The following CSNK1E variants were observed in gnomAD, a reference collection of about 807,000 sequenced individuals.
CSNK1E encodes casein kinase I isoform epsilon.
CSNK1E carries 17 observed loss-of-function variants against 46.1 expected under a neutral mutation model. That is an observed-to-expected ratio of 0.37 (90% CI 0.25 to 0.55). The LOEUF is 0.55. Among genes scored for constraint, CSNK1E ranks in the 20% least tolerant of loss-of-function variants. CSNK1E has a pLI of 0.82. For synonymous variants in CSNK1E, 241 were observed against 242.6 expected, an observed-to-expected ratio of 0.99 and a Z score of 0.06; for missense variants, 386 against 595.4, an observed-to-expected ratio of 0.65 and a Z score of 3.66.
Position 38,294,016 on chromosome 22 carries a change from G to A in CSNK1E, c.1218+93C>T, listed in dbSNP as rs2092625809. ...CACTCCAAGGCAAGCAGCGTCGATG[G>A]AAAGGGAAGAACAGAGCCACGGCCT... On this transcript the variant is annotated intron_variant, in intron 9 of 10. Coordinates refer to ENST00000396832, the MANE Select transcript of CSNK1E (RefSeq NM_152221.3). This position sits in a 1 kb window ranked among gnomAD's most constrained non-coding sequence, Gnocchi z 5.5. 1.4e-6 allele frequency: 2 copies of A among 1,439,392 alleles called. No homozygotes were observed. The highest frequency in any genetic ancestry group is 2.4e-4 in the Middle Eastern group (1 of 4,118). The allele number at this position is 1,439,392 out of a possible 1,614,324, so 89.2% of individuals were successfully genotyped here.
intron 7 of CSNK1E, chr22:38,296,585 T>G (rs2092641963): frequency 1.2e-6 from 2 of 1,612,712 alleles, no homozygotes; most frequent in Admixed American, 3.3e-5. Context: ...AGGATAAGGC[T>G]GTGGGTGCCT....
intron 7 of CSNK1E, chr22:38,296,947 G>A: frequency 4.9e-6 from 3 of 607,974 alleles, no homozygotes; most frequent in East Asian, 2.8e-5. Flanking sequence ...GCTAATTTTT[G>A]TGTTTTTAGT....
At chr22:38,315,864 C>T (rs948591832) in intron 1 of CSNK1E, among the ~76,000 whole-genome samples, 4 of 152,142 alleles carry the variant, frequency 2.6e-5, no homozygotes, top group African/African-American at 9.7e-5. Flanking sequence ...TCTCTCCCCA[C>T]TCACCGGCTG....
rs763345631 is a variant in CSNK1E, at chr22:38,300,467, C to T, written c.565+257G>A. Reference sequence around the variant, plus strand: ...GTTAAACCTCTGAGCCTGTATCTTCCAGCCTGCACCAACAGGGCGGAGGAG... The same window carrying T: ...GTTAAACCTCTGAGCCTGTATCTTCTAGCCTGCACCAACAGGGCGGAGGAG... On this transcript the variant is annotated intron_variant, in intron 5 of 10. Transcript: ENST00000396832. The surrounding 1 kb of genome is among the most constrained non-coding windows in gnomAD (Gnocchi z 4.4). Among the ~76,000 whole-genome samples the T allele has an allele frequency of 3.9e-5, 6 of 152,228 alleles. No homozygotes were observed. The highest frequency in any genetic ancestry group is 8.8e-5 in the Non-Finnish European group (6 of 68,048).
chr22:38,294,315 C>T lies in CSNK1E; in HGVS notation c.1078+27G>A, dbSNP rs2092628219. The T allele has an allele frequency of 6.3e-7, 1 of 1,588,834 alleles. No individual in the cohort carries two copies. Among genetic ancestry groups the T allele is most frequent in the Non-Finnish European group, 8.5e-7 (1 of 1,170,004 alleles). On this transcript the variant is annotated intron_variant, in intron 8 of 10. Coordinates refer to ENST00000396832, the MANE Select transcript of CSNK1E (RefSeq NM_152221.3). The surrounding 1 kb of genome is among the most constrained non-coding windows in gnomAD (Gnocchi z 5.5). ...CAGAGCCCCCCACCCACCCTGAACCCAGCCCACTGCCTGAGTCCCTGCTCA... is the reference window on the plus strand; with the variant it reads ...CAGAGCCCCCCACCCACCCTGAACCTAGCCCACTGCCTGAGTCCCTGCTCA...
intron 4 of CSNK1E, among the ~76,000 whole-genome samples, chr22:38,302,350 C>A (rs1424743081): frequency 2.6e-5 from 4 of 152,196 alleles, no homozygotes; most frequent in Non-Finnish European, 4.4e-5. Context: ...CTATTTCTTA[C>A]AATTAAATGA....
chr22:38,299,519 T>C (rs897028760), intron 6 of CSNK1E, among the ~76,000 whole-genome samples: 1 of 152,156 alleles, frequency 6.6e-6, no homozygotes. Flanking sequence ...CAGCCCAGTG[T>C]GGGCTTTGTT....
At chr22:38,314,203 C>T (rs938630249) in intron 1 of CSNK1E, 34 bp from the exon 2 acceptor site, 10 of 1,578,886 alleles carry the variant, frequency 6.3e-6, no homozygotes, top group African/African-American at 4.0e-5. Context: ...GGGTCAGCGA[C>T]GTGGGGAGCC....
In CSNK1E at chr22:38,299,800, G is replaced by A. The variant is rs533962801; in HGVS notation, c.736+95C>T. 4.9e-4 allele frequency: 695 copies of A among 1,430,562 alleles called. 1 individual carries two copies. The highest frequency in any genetic ancestry group is 6.0e-4 in the Non-Finnish European group (629 of 1,048,216). 88.6% of individuals were successfully genotyped at this position (1,430,562 alleles called of 1,614,324 possible). ...CAGGACTGCAGGCGTGAACCACCGC[G>A]CCTAGCCCCAGCGTGGGCTTTGTAT... On this transcript the variant is annotated intron_variant, in intron 6 of 10. Coordinates refer to ENST00000396832, the MANE Select transcript of CSNK1E (RefSeq NM_152221.3).
At chr22:38,299,169 C>T (rs2092657614) in intron 6 of CSNK1E, among the ~76,000 whole-genome samples, 1 of 152,222 alleles carries the variant, frequency 6.6e-6, no homozygotes, top group Non-Finnish European at 1.5e-5. Context: ...CGAACAGTGG[C>T]CAGGAGCCTC....
chr22:38,302,716 A>G, intron 4 of CSNK1E, 145 bp downstream of exon 4: 2 of 992,456 alleles, frequency 2.0e-6, no homozygotes, highest in South Asian at 1.7e-5. Flanking sequence ...GCCTCAAAAA[A>G]TAAATAAACA....
rs771780953 is a variant in CSNK1E at position 38,298,573 on chromosome 22, C to T, written c.885+213G>A. 30 of 581,166 alleles carry T rather than the reference C, an allele frequency of 5.2e-5. No homozygotes were observed. The highest frequency in any genetic ancestry group is 7.9e-5 in the Non-Finnish European group (26 of 330,424). The allele number at this position is 581,166 out of a possible 1,614,324, so 36.0% of individuals were successfully genotyped here. A position where few individuals can be genotyped will look rare whatever the true frequency, so the allele number is the denominator to read the frequency against. On this transcript the variant is annotated intron_variant, in intron 7 of 10. Coordinates refer to ENST00000396832, the MANE Select transcript of CSNK1E (RefSeq NM_152221.3). The surrounding 1 kb of genome is among the most constrained non-coding windows in gnomAD (Gnocchi z 4.2). ...TCCTCCTTGTTCCGACGGGAGACAG[C>T]GCCCTGCCTGGGCCCTGCTGCCCAT...
chr22:38,293,366 T>C (rs1334482854), intron 9 of CSNK1E, 47 bp from the exon 10 acceptor site: 3 of 1,240,908 alleles, frequency 2.4e-6, no homozygotes, highest in Non-Finnish European at 3.5e-6. Context: ...GAGAGGGAGG[T>C]ACAAGCTTCA....
rs952511443 is a variant in CSNK1E, at chr22:38,298,563, C to A, written c.885+223G>T. The A allele has an allele frequency of 9.0e-6, 5 of 557,724 alleles. No individual in the cohort carries two copies. The African/African-American group carries it at 9.5e-5, about 11-fold the overall frequency. The allele number at this position is 557,724 out of a possible 1,614,324, so 34.5% of individuals were successfully genotyped here. A position where few individuals can be genotyped will look rare whatever the true frequency, so the allele number is the denominator to read the frequency against. ...TGAAGCCAGATCCTCCTTGTTCCGA[C>A]GGGAGACAGCGCCCTGCCTGGGCCC... On this transcript the variant is annotated intron_variant, in intron 7 of 10. Transcript: ENST00000396832. This position sits in a 1 kb window ranked among gnomAD's most constrained non-coding sequence, Gnocchi z 4.2.
intron 7 of CSNK1E, chr22:38,297,756 C>A: frequency 2.0e-6 from 2 of 998,742 alleles, no homozygotes; most frequent in Non-Finnish European, 2.4e-6. Context: ...TCAAGGACCC[C>A]ATGGCAGGGC....
chr22:38,298,757 A>G lies in CSNK1E; in HGVS notation c.885+29T>C, dbSNP rs1425644451. On this transcript the variant is annotated intron_variant, in intron 7 of 10. Transcript: ENST00000396832. The surrounding 1 kb of genome is among the most constrained non-coding windows in gnomAD (Gnocchi z 4.2). Reference sequence around the variant, plus strand: ...CAGGGCCTTCCCCATCCAGTCCCCCAAGCCCGCCTTGGCCTCCAGGTGACT... The same window carrying G: ...CAGGGCCTTCCCCATCCAGTCCCCCGAGCCCGCCTTGGCCTCCAGGTGACT... 3 of 1,613,028 alleles carry G rather than the reference A, an allele frequency of 1.9e-6. No individual in the cohort carries two copies. Among genetic ancestry groups the G allele is most frequent in the African/African-American group, 1.3e-5 (1 of 74,992 alleles).
At chr22:38,299,052 C>T in intron 6 of CSNK1E, 118 bp from the exon 7 acceptor site, 1 of 1,198,744 alleles carries the variant, frequency 8.3e-7, no homozygotes, top group Non-Finnish European at 1.2e-6. Context: ...CTGTGAGAGG[C>T]AAGAAAAGGA....
rs1039293734 is a variant in CSNK1E at position 38,295,973 on chromosome 22, C to T, written c.886-1439G>A. Among the ~76,000 whole-genome samples, 5 of 152,374 alleles carry T rather than the reference C, an allele frequency of 3.3e-5. No homozygotes were observed. In the South Asian group the frequency reaches 1.0e-3, roughly 32 times the overall value. On this transcript the variant is annotated intron_variant, in intron 7 of 10. Coordinates refer to ENST00000396832, the MANE Select transcript of CSNK1E (RefSeq NM_152221.3). ...ACCTCCGTGCCGAACCTTCTGCGGG[C>T]AGAGTCACATCAACCCTGTGAGGCA... is the stretch of plus-strand genomic sequence containing the variant.
chr22:38,314,314 C>T lies in CSNK1E; in HGVS notation c.-12-145G>A. On this transcript the variant is annotated intron_variant, in intron 1 of 10. Transcript: ENST00000396832. ...TCTGCAGGTGTCAGGTGGCCCACAG[C>T]CTGCACTCCACACACCTGGGGAACA... 7.8e-6 allele frequency: 5 copies of T among 642,752 alleles called. No individual in the cohort carries two copies. The South Asian group carries it at 8.8e-5, about 11-fold the overall frequency. The allele number at this position is 642,752 out of a possible 1,614,324, so 39.8% of individuals were successfully genotyped here.
Sources: allele counts gnomAD v4.1 joint callset (sites outside exome capture counted in the v4.1 genomes callset), GRCh38; gene constraint gnomAD v4.1.1; non-coding constraint Gnocchi (gnomAD v3.1); transcripts MANE v1.5; gene names NCBI Gene and HGNC (gene_info 2026-07-23, HGNC 2026-07-21).